Variants in NR2C2 observed in about 807,000 individuals in gnomAD.
The protein encoded by NR2C2 is Nuclear hormone receptor TR4.
In NR2C2, 6 loss-of-function variants were observed where a neutral mutation model predicts 62.9. That is an observed-to-expected ratio of 0.10 (90% CI 0.05 to 0.19). NR2C2 has a LOEUF of 0.19. Ranked by LOEUF, NR2C2 falls within the 10% of genes least tolerant of loss-of-function variation. NR2C2 has a pLI of 1.00. For missense variants in NR2C2, 479 were observed against 762.7 expected (o/e 0.63, Z 4.38); for synonymous variants, 272 against 273.8 (o/e 0.99, Z 0.07).
chr3:14,985,182 T>A (rs1467082376), intron 1 of NR2C2, among the ~76,000 whole-genome samples: 1 of 152,166 alleles, frequency 6.6e-6, no homozygotes, highest in African/African-American at 2.4e-5. Flanking sequence ...ATAAGATACA[T>A]GTCCTGTATG....
chr3:14,968,787 A>G (rs1442372863), intron 1 of NR2C2, among the ~76,000 whole-genome samples: 18 of 138,078 alleles, frequency 1.3e-4, no homozygotes, highest in African/African-American at 5.2e-4. Context: ...CATATACACC[A>G]TGGAATACTA....
intron 1 of NR2C2, among the ~76,000 whole-genome samples, chr3:14,988,982 C>T (rs545206344): frequency 3.3e-5 from 5 of 152,206 alleles, no homozygotes; most frequent in South Asian, 2.1e-4. Flanking sequence ...AGTAAATATC[C>T]GTAATACCTC....
chr3:14,974,988 C>G (rs142428221), intron 1 of NR2C2, among the ~76,000 whole-genome samples: 1 of 152,132 alleles, frequency 6.6e-6, no homozygotes, highest in Admixed American at 6.5e-5. Context: ...ACATTTTATT[C>G]TTTTTTATGG....
Position 14,954,647 on chromosome 3 carries a change from A to G in NR2C2, c.-40+6741A>G, listed in dbSNP as rs141005189. On this transcript the variant is annotated intron_variant, in intron 1 of 13. Transcript: ENST00000425241. ...GTATTATAAACAGTGCAATAATATT[A>G]TAAAGTAATGCCAGTAGTATAAAAG... 3.1e-4 allele frequency among the ~76,000 whole-genome samples: 47 copies of G among 152,352 alleles called. 1 individual carries two copies. In the East Asian group the frequency reaches 9.1e-3, roughly 29 times the overall value.
intron 1 of NR2C2, among the ~76,000 whole-genome samples, chr3:14,977,235 C>G (rs2040233572): frequency 6.6e-6 from 1 of 152,156 alleles, no homozygotes; most frequent in Admixed American, 6.5e-5. Flanking sequence ...CTGACTAGTG[C>G]TTGAGTATGT....
chr3:14,970,905 T>C lies in NR2C2; in HGVS notation c.-40+22999T>C, dbSNP rs113489799. Among the ~76,000 whole-genome samples the C allele has an allele frequency of 9.8e-4, 150 of 152,372 alleles. 1 individual carries two copies. The highest frequency in any genetic ancestry group is 3.5e-3 in the African/African-American group (147 of 41,592). ...ACTTTGCAATGGTGCAAAAGCCATA[T>C]GCATTTGGTAGAAGCCATACTTCAA... is the stretch of plus-strand genomic sequence containing the variant. On this transcript the variant is annotated intron_variant, in intron 1 of 13. Transcript: ENST00000425241.
chr3:15,004,448 T>C, intron 2 of NR2C2: 1 of 1,107,618 alleles, frequency 9.0e-7, no homozygotes, highest in Non-Finnish European at 1.2e-6. Context: ...GTGCTTAGAA[T>C]GGTACCTGGC....
intron 7 of NR2C2, chr3:15,026,858 C>G (rs1294687082): frequency 2.0e-5 from 3 of 152,242 alleles, no homozygotes; most frequent in Non-Finnish European, 2.9e-5. Flanking sequence ...TGCCACCATA[C>G]CCAGCTAATT....
intron 3 of NR2C2, among the ~76,000 whole-genome samples, chr3:15,014,381 C>G (rs1255372145): frequency 3.3e-5 from 5 of 152,108 alleles, no homozygotes; most frequent in Admixed American, 2.6e-4. Flanking sequence ...AGTATAGAAT[C>G]TCCAAACCCA....
At chr3:14,951,853 TTC>T (rs2039372100) in intron 1 of NR2C2, among the ~76,000 whole-genome samples, 1 of 152,046 alleles carries the variant, frequency 6.6e-6, no homozygotes, top group Non-Finnish European at 1.5e-5. Context: ...GTTCACGCCA[TTC>T]TTCTGCCTCC....
intron 1 of NR2C2, among the ~76,000 whole-genome samples, chr3:14,949,299 C>T (rs551079523): frequency 3.9e-5 from 6 of 152,316 alleles, no homozygotes; most frequent in Admixed American, 3.9e-4. Context: ...TCAGGGTGGC[C>T]TCTCTGAGTA....
chr3:15,027,473 G>A (rs2041857161), intron 7 of NR2C2, among the ~76,000 whole-genome samples: 1 of 152,234 alleles, frequency 6.6e-6, no homozygotes. Context: ...CATCCCAGTG[G>A]ATGTGAAGTG....
At position 14,969,155 on chromosome 3, in the gene NR2C2, GA is replaced by G. The variant is rs1029482512; in HGVS notation, c.-40+21258del. Among the ~76,000 whole-genome samples, 21 of 144,676 alleles carry G rather than the reference GA, an allele frequency of 1.5e-4. No individual in the cohort carries two copies. In the East Asian group the frequency reaches 1.6e-3, roughly 11 times the overall value. 94.9% of individuals were successfully genotyped at this position (144,676 alleles called of 152,430 possible). A position where few individuals can be genotyped will look rare whatever the true frequency, so the allele number is the denominator to read the frequency against. On this transcript the variant is annotated intron_variant, in intron 1 of 13. Transcript: ENST00000425241. The stretch of plus-strand genomic sequence containing the variant: ...GTATAGTAATAATAAATTAAAAAAA[GA>G]AAAAAAAATTTCCCTCTATAACTGG...
rs1354890319 is a variant in NR2C2 at position 15,045,467 on chromosome 3, C to G, written c.*2459C>G. 1 of 152,686 alleles carries G rather than the reference C, an allele frequency of 6.5e-6. No homozygotes were observed. The highest frequency in any genetic ancestry group is 1.9e-4 in the East Asian group (1 of 5,196). The allele number at this position is 152,686 out of a possible 1,614,324, so 9.5% of individuals were successfully genotyped here. A position where few individuals can be genotyped will look rare whatever the true frequency, so the allele number is the denominator to read the frequency against. ...TAACCTGGTCCTGCTCTTTAAGTCC[C>G]CTTGCTGGTGATGGCTGATTCCAGG... On this transcript the variant is annotated 3_prime_UTR_variant, in exon 14 of 14. Coordinates refer to ENST00000425241, the MANE Select transcript of NR2C2 (RefSeq NM_001291694.2).
intron 1 of NR2C2, among the ~76,000 whole-genome samples, chr3:14,998,590 G>A (rs1282406580): frequency 6.6e-6 from 1 of 152,056 alleles, no homozygotes; most frequent in Non-Finnish European, 1.5e-5. Context: ...TTAACTCTTT[G>A]CTCATTTTTA....
intron 10 of NR2C2, among the ~76,000 whole-genome samples, chr3:15,033,395 A>G (rs2042027682): frequency 6.6e-6 from 1 of 152,162 alleles, no homozygotes; most frequent in Non-Finnish European, 1.5e-5. Flanking sequence ...AGTGCCTGGC[A>G]TGCAAGGGAC....
At chr3:15,003,749 G>T in intron 1 of NR2C2, 127 bp from the exon 2 acceptor site, 1 of 599,836 alleles carries the variant, frequency 1.7e-6, no homozygotes, top group Non-Finnish European at 3.0e-6. Flanking sequence ...ATCCTTCTGG[G>T]TCCATACCTC....
intron 7 of NR2C2, among the ~76,000 whole-genome samples, chr3:15,027,518 G>A (rs972128569): frequency 6.6e-6 from 1 of 152,218 alleles, no homozygotes; most frequent in Non-Finnish European, 1.5e-5. Context: ...CATTTCTCAT[G>A]ATGTTGAGCA....
chr3:15,005,326 A>G (rs1029842641), intron 2 of NR2C2, among the ~76,000 whole-genome samples: 4 of 148,038 alleles, frequency 2.7e-5, no homozygotes, highest in Non-Finnish European at 4.4e-5. Flanking sequence ...AGCTGGGACT[A>G]CAGGTGCATA....
Sources: gnomAD v4.1 joint callset for allele counts (sites outside exome capture counted in the v4.1 genomes callset) on GRCh38, gnomAD v4.1.1 for gene constraint, MANE v1.5 for transcripts, NCBI Gene and HGNC (gene_info 2026-07-23, HGNC 2026-07-21) for gene names.